SEMA5B: variants seen among roughly 807,000 people sequenced by gnomAD.
The protein encoded by SEMA5B is semaphorin 5B.
SEMA5B carries 66 observed loss-of-function variants against 135.0 expected under a neutral mutation model. The observed-to-expected ratio is 0.49, with a 90% CI of 0.40 to 0.60. The LOEUF (loss-of-function observed/expected upper bound fraction) is 0.60. Among genes scored for constraint, SEMA5B ranks in the 20% least tolerant of loss-of-function variants. The pLI is 0.00. For missense variants in SEMA5B, 1,501 were observed against 1,566.3 expected (o/e 0.96, Z 0.70); for synonymous variants, 690 against 639.5 (o/e 1.08, Z -1.19).
chr3:123,012,986 C>A (rs1576409374), intron 1 of SEMA5B, among the ~76,000 whole-genome samples: 1 of 152,330 alleles, frequency 6.6e-6, no homozygotes, highest in East Asian at 1.9e-4. Flanking sequence ...CCGCCTCCAA[C>A]CCAACCATGA....
rs555776818 is a variant in SEMA5B at position 122,962,406 on chromosome 3, C to T, written c.-38-1105G>A. 1.5e-3 allele frequency among the ~76,000 whole-genome samples: 231 copies of T among 152,116 alleles called. 1 individual carries two copies. The highest frequency in any genetic ancestry group is 2.1e-3 in the African/African-American group (87 of 41,494). On this transcript the variant is annotated intron_variant, in intron 1 of 22. Coordinates refer to ENST00000357599, the MANE Select transcript of SEMA5B (RefSeq NM_001031702.4). ...CGGGAAGCCCGACATGCAGGCCCGG[C>T]GGGTGGTGGAGAGGGAGGAGCAGAG...
At chr3:123,018,091 C>T (rs1942602003) in intron 1 of SEMA5B, among the ~76,000 whole-genome samples, 1 of 152,110 alleles carries the variant, frequency 6.6e-6, no homozygotes, top group South Asian at 2.1e-4. Context: ...CTAAAGAAAT[C>T]AGGAAAGGAA....
intron 1 of SEMA5B, among the ~76,000 whole-genome samples, chr3:123,000,436 C>G (rs1299772330): frequency 6.6e-6 from 1 of 152,032 alleles, no homozygotes; most frequent in Admixed American, 6.5e-5. Context: ...AAAGGGGTGG[C>G]CTTGGAGGTC....
In SEMA5B at chr3:122,912,217, C is replaced by T. The variant is rs1466335803; in HGVS notation, c.2851G>A (p.Gly951Arg). ...CATAGTGCCTCCTCCGTGTGCAGCC[C>T]GAGACAGATGTCCTCACCTGGGGAG... Reference protein sequence around the residue: ...APSPGEDICLGLHTEEALCAT... With the variant: ...APSPGEDICLRLHTEEALCAT... Residue 951 changes from glycine (G) to arginine (R), a missense_variant, in exon 19 of 23, where the codon GGG becomes AGG. This residue lies in a region of SEMA5B where 927 missense variants were observed against 881.6 expected (regional missense o/e 1.05). Coordinates refer to ENST00000357599, the MANE Select transcript of SEMA5B (RefSeq NM_001031702.4). 1.9e-6 allele frequency: 3 copies of T among 1,607,762 alleles called. No homozygotes were observed. Among genetic ancestry groups the T allele is most frequent in the Admixed American group, 1.7e-5 (1 of 59,552 alleles).
At chr3:122,925,132 C>T (rs540205111) in intron 9 of SEMA5B, among the ~76,000 whole-genome samples, 1 of 152,264 alleles carries the variant, frequency 6.6e-6, no homozygotes, top group South Asian at 2.1e-4. Flanking sequence ...CTAGCCTGGC[C>T]CTCATCCAGT....
chr3:122,939,422 TA>T lies in SEMA5B; in HGVS notation c.474+2del, dbSNP rs1376584826. On this transcript the variant is annotated splice_donor_variant, in intron 5 of 22. Coordinates refer to ENST00000357599, the MANE Select transcript of SEMA5B (RefSeq NM_001031702.4). LOFTEE classifies it high-confidence loss of function. ...GGAAGGGAAGGGAAGAAAGCAATCGTACCTGAAGAAGAGAGACATTGGCAAG... is the reference window on the plus strand; with the variant it reads ...GGAAGGGAAGGGAAGAAAGCAATCGTCCTGAAGAAGAGAGACATTGGCAAG... 1 of 1,608,198 alleles carries T rather than the reference TA, an allele frequency of 6.2e-7. No homozygotes were observed. Among genetic ancestry groups the T allele is most frequent in the Non-Finnish European group, 8.5e-7 (1 of 1,174,722 alleles).
chr3:123,024,454 T>G (rs1304322664), intron 1 of SEMA5B, among the ~76,000 whole-genome samples: 1 of 152,198 alleles, frequency 6.6e-6, no homozygotes, highest in Non-Finnish European at 1.5e-5. Context: ...GAATTTTCTC[T>G]TTTTTGTAAA....
intron 3 of SEMA5B, among the ~76,000 whole-genome samples, chr3:122,948,101 C>T (rs559228679): frequency 4.6e-5 from 7 of 152,234 alleles, no homozygotes; most frequent in African/African-American, 1.7e-4. Flanking sequence ...TCCCAAGACC[C>T]TAAAGAGAGG....
At chr3:122,929,853 G>A (rs1029019128) in intron 5 of SEMA5B, among the ~76,000 whole-genome samples, 3 of 152,200 alleles carry the variant, frequency 2.0e-5, no homozygotes, top group African/African-American at 4.8e-5. Context: ...GGCATTAGGA[G>A]AGGGCTGTCC....
rs563979278 is a variant in SEMA5B, at chr3:123,022,664, C to T, written c.-39+4800G>A. 3.3e-5 allele frequency among the ~76,000 whole-genome samples: 5 copies of T among 152,312 alleles called. No individual in the cohort carries two copies. The South Asian group carries it at 1.0e-3, about 32-fold the overall frequency. ...GCCCAGCAGCAAATTGGACAGAAAA[C>T]CATCTTCATTTTTTATTCCACTTTG... On this transcript the variant is annotated intron_variant, in intron 1 of 22. Coordinates refer to ENST00000357599, the MANE Select transcript of SEMA5B (RefSeq NM_001031702.4).
intron 12 of SEMA5B, among the ~76,000 whole-genome samples, chr3:122,921,092 C>T (rs1041083475): frequency 1.3e-5 from 2 of 152,124 alleles, no homozygotes; most frequent in African/African-American, 4.8e-5. Context: ...GAAGAACAGC[C>T]CTGTATCATG....
In SEMA5B at chr3:122,988,759, C is replaced by T. The variant is rs137879511; in HGVS notation, c.-38-27458G>A. On this transcript the variant is annotated intron_variant, in intron 1 of 22. Transcript: ENST00000357599. ...AATGGCCAGAAAAACCAATTAATCTCGCCTCATCTGGGCTCTCATGCCCGT... is the reference window on the plus strand; with the variant it reads ...AATGGCCAGAAAAACCAATTAATCTTGCCTCATCTGGGCTCTCATGCCCGT... Among the ~76,000 whole-genome samples the T allele has an allele frequency of 4.4e-3, 676 of 152,368 alleles. 8 individuals carry two copies. The highest frequency in any genetic ancestry group is 7.5e-3 in the Non-Finnish European group (512 of 68,042).
At chr3:122,927,701 G>T (rs767503595) in intron 8 of SEMA5B, 89 bp downstream of exon 8, 19 of 988,238 alleles carry the variant, frequency 1.9e-5, no homozygotes, top group African/African-American at 3.4e-5. Flanking sequence ...GCAGAGGTTG[G>T]CAGGAAGGAG....
chr3:122,974,248 G>A (rs1287956572), intron 1 of SEMA5B, among the ~76,000 whole-genome samples: 1 of 152,134 alleles, frequency 6.6e-6, no homozygotes, highest in Non-Finnish European at 1.5e-5. Flanking sequence ...GCATTTCTGG[G>A]AACTGCTCCC....
At position 123,002,718 on chromosome 3, in the gene SEMA5B, TG is replaced by T. The variant is rs1942210493; in HGVS notation, c.-39+24745del. Among the ~76,000 whole-genome samples the T allele has an allele frequency of 3.3e-5, 5 of 152,340 alleles. No homozygotes were observed. The South Asian group carries it at 8.3e-4, about 25-fold the overall frequency. ...ACGTCTCAGCAAACAGTGGGACACT[TG>T]TTTAGGAGAAATACTAAAAGAGGGA... On this transcript the variant is annotated intron_variant, in intron 1 of 22. Transcript: ENST00000357599.
At chr3:122,968,400 C>G (rs1473850076) in intron 1 of SEMA5B, among the ~76,000 whole-genome samples, 1 of 152,190 alleles carries the variant, frequency 6.6e-6, no homozygotes, top group Non-Finnish European at 1.5e-5. Flanking sequence ...CAGGGTTTGC[C>G]TCCCTAGAGG....
chr3:122,982,958 G>T (rs953240044), intron 1 of SEMA5B, among the ~76,000 whole-genome samples: 1 of 152,162 alleles, frequency 6.6e-6, no homozygotes, highest in East Asian at 1.9e-4. Context: ...CTCTCCGACC[G>T]GCTGAGGCAG....
intron 1 of SEMA5B, among the ~76,000 whole-genome samples, chr3:123,014,055 C>T (rs1040082160): frequency 6.6e-6 from 1 of 152,182 alleles, no homozygotes; most frequent in Non-Finnish European, 1.5e-5. Context: ...GCCACTTGGC[C>T]GGGACACACA....
chr3:122,997,475 C>A (rs907170858), intron 1 of SEMA5B, among the ~76,000 whole-genome samples: 1 of 151,858 alleles, frequency 6.6e-6, no homozygotes, highest in Non-Finnish European at 1.5e-5. Context: ...GGTTCACAGG[C>A]CAGGAGACTG....
Sources: gnomAD v4.1 joint callset for allele counts (sites outside exome capture counted in the v4.1 genomes callset) on GRCh38, gnomAD v4.1.1 for gene constraint, gnomAD v4.1.1 regional missense constraint, MANE v1.5 for transcripts, NCBI Gene and HGNC (gene_info 2026-07-23, HGNC 2026-07-21) for gene names.